The following PTPRD variants were observed in gnomAD, a reference collection of about 807,000 sequenced individuals.
The protein encoded by PTPRD is receptor-type tyrosine-protein phosphatase delta.
In PTPRD, 34 loss-of-function variants were observed where a neutral mutation model predicts 214.5. The observed-to-expected ratio is 0.16, with a 90% CI of 0.12 to 0.21. The LOEUF (loss-of-function observed/expected upper bound fraction) is 0.21, where lower values mean the gene tolerates loss of function less well. Among genes scored for constraint, PTPRD ranks in the 10% least tolerant of loss-of-function variants. The pLI is 1.00. For missense variants in PTPRD, 2,545 were observed against 2,398.7 expected (o/e 1.06, Z -1.27); for synonymous variants, 1,128 against 845.7 (o/e 1.33, Z -5.79).
At chr9:8,786,310 T>G (rs893459310) in intron 11 of PTPRD, among the ~76,000 whole-genome samples, 1 of 152,074 alleles carries the variant, frequency 6.6e-6, no homozygotes, top group Non-Finnish European at 1.5e-5. Flanking sequence ...CTGAAGTGTG[T>G]TCAATGCCGT....
chr9:8,373,406 T>G (rs573464391), intron 39 of PTPRD, among the ~76,000 whole-genome samples: 2 of 152,170 alleles, frequency 1.3e-5, no homozygotes, highest in African/African-American at 4.8e-5. Flanking sequence ...CCTCATTGTT[T>G]CGAAGTTGCT....
intron 11 of PTPRD, among the ~76,000 whole-genome samples, chr9:8,796,695 C>A (rs910117660): frequency 9.2e-5 from 14 of 152,036 alleles, no homozygotes; most frequent in Admixed American, 2.0e-4. Flanking sequence ...ATTTTATTCA[C>A]ATAATAGATT....
rs1444374413 is a variant in PTPRD at position 9,886,161 on chromosome 9, A to G, written c.-368+52346T>C. On this transcript the variant is annotated intron_variant, in intron 5 of 45. Coordinates refer to ENST00000381196, the MANE Select transcript of PTPRD (RefSeq NM_002839.4). ...CCAAGGGATATAGCCAAGAGACATCAGAGGACAACTCCAGAGAGCAAGATT... is the reference window on the plus strand; with the variant it reads ...CCAAGGGATATAGCCAAGAGACATCGGAGGACAACTCCAGAGAGCAAGATT... 2.6e-5 allele frequency among the ~76,000 whole-genome samples: 4 copies of G among 152,058 alleles called. 1 individual carries two copies. The highest frequency in any genetic ancestry group is 9.7e-5 in the African/African-American group (4 of 41,426).
At chr9:9,764,823 G>A (rs374066428) in intron 6 of PTPRD, among the ~76,000 whole-genome samples, 56 of 152,178 alleles carry the variant, frequency 3.7e-4, no homozygotes, top group African/African-American at 1.3e-3. Flanking sequence ...CCCCCCAACT[G>A]CCTCACAGTG....
At chr9:9,504,837 T>C (rs991195446) in intron 8 of PTPRD, among the ~76,000 whole-genome samples, 12 of 151,796 alleles carry the variant, frequency 7.9e-5, no homozygotes, top group Middle Eastern at 3.4e-3. Context: ...CAAAAATCAG[T>C]TATATTTCTT....
intron 7 of PTPRD, among the ~76,000 whole-genome samples, chr9:9,649,605 T>A (rs1273443935): frequency 6.6e-6 from 1 of 152,330 alleles, no homozygotes; most frequent in East Asian, 1.9e-4. Context: ...ATCACTGCCT[T>A]AGAGCACTAA....
intron 5 of PTPRD, among the ~76,000 whole-genome samples, chr9:9,861,932 G>T (rs1430731837): frequency 6.6e-6 from 1 of 152,082 alleles, no homozygotes; most frequent in African/African-American, 2.4e-5. Flanking sequence ...TAAAGAATTT[G>T]CCATGTGAAA....
chr9:9,908,296 A>G (rs10978077), intron 5 of PTPRD, among the ~76,000 whole-genome samples: 32,557 of 151,848 alleles, frequency 0.21, 3,702 homozygotes, highest in East Asian at 0.38. Flanking sequence ...CTTCCACACT[A>G]ATAGTATCAA....
intron 12 of PTPRD, among the ~76,000 whole-genome samples, chr9:8,697,318 C>G (rs529730761): frequency 6.7e-6 from 1 of 148,160 alleles, no homozygotes; most frequent in African/African-American, 2.5e-5. Context: ...TCATGGGGCT[C>G]TTTAAATATA....
chr9:9,146,953 C>G (rs2099869590), intron 10 of PTPRD, among the ~76,000 whole-genome samples: 1 of 152,120 alleles, frequency 6.6e-6, no homozygotes, highest in Non-Finnish European at 1.5e-5. Flanking sequence ...AAACATTTGA[C>G]TTGACTTTTT....
chr9:8,951,429 A>G (rs959172643), intron 11 of PTPRD, among the ~76,000 whole-genome samples: 6 of 151,452 alleles, frequency 4.0e-5, no homozygotes, highest in Admixed American at 2.6e-4. Flanking sequence ...ATTGAAGCCA[A>G]TATAATCTGT....
At chr9:9,315,022 C>G (rs1420995841) in intron 9 of PTPRD, among the ~76,000 whole-genome samples, 1 of 151,966 alleles carries the variant, frequency 6.6e-6, no homozygotes, top group East Asian at 1.9e-4. Context: ...TATAATACAA[C>G]TCACCTAGAT....
chr9:9,823,329 G>T (rs1000823833), intron 5 of PTPRD, among the ~76,000 whole-genome samples: 6 of 152,044 alleles, frequency 3.9e-5, no homozygotes, highest in African/African-American at 9.7e-5. Context: ...GAGCAAGAGA[G>T]AAAGAGTGAG....
At chr9:8,342,021 G>A in intron 39 of PTPRD, 43 bp from the exon 40 acceptor site, 3 of 1,522,896 alleles carry the variant, frequency 2.0e-6, no homozygotes, top group Non-Finnish European at 2.6e-6. Context: ...AAACCTATCA[G>A]AAAATCAATA....
intron 14 of PTPRD, among the ~76,000 whole-genome samples, chr9:8,548,921 C>A (rs2081154997): frequency 6.6e-6 from 1 of 151,798 alleles, no homozygotes; most frequent in South Asian, 2.1e-4. Flanking sequence ...GGACTCCTGA[C>A]CTCAGGTGAT....
intron 5 of PTPRD, among the ~76,000 whole-genome samples, chr9:9,904,327 C>A (rs1340897293): frequency 6.6e-6 from 1 of 151,996 alleles, no homozygotes; most frequent in Non-Finnish European, 1.5e-5. Context: ...CAAAATATGA[C>A]AATTATTTCA....
intron 3 of PTPRD, among the ~76,000 whole-genome samples, chr9:10,335,982 T>C (rs939575431): frequency 4.6e-5 from 7 of 151,786 alleles, no homozygotes; most frequent in African/African-American, 1.2e-4. Flanking sequence ...CACTCATTCA[T>C]TGCTGGTGGG....
At chr9:8,486,606 AT>A in intron 27 of PTPRD, 7 of 628,452 alleles carry the variant, frequency 1.1e-5, no homozygotes, top group South Asian at 4.9e-5. Flanking sequence ...GCTTAAGGGG[AT>A]TTTTTTGACA....
At chr9:9,763,201 C>T (rs1189191854) in intron 6 of PTPRD, among the ~76,000 whole-genome samples, 2 of 152,130 alleles carry the variant, frequency 1.3e-5, no homozygotes, top group Non-Finnish European at 2.9e-5. Flanking sequence ...AAATGTAAAA[C>T]ACATCAAAGT....
Sources: allele counts gnomAD v4.1 joint callset (sites outside exome capture counted in the v4.1 genomes callset), GRCh38; gene constraint gnomAD v4.1.1; transcripts MANE v1.5; gene names NCBI Gene and HGNC (gene_info 2026-07-23, HGNC 2026-07-21).